FRMD3: variants seen among roughly 807,000 people sequenced by gnomAD.
FRMD3 encodes the protein FERM domain containing 3, also known as FERM domain-containing protein 3.
Under a neutral mutation model 70.2 loss-of-function variants are expected in FRMD3, and 33 were observed. The ratio of observed to expected loss-of-function variants is 0.47; its 90% CI spans 0.36 to 0.63. The LOEUF (loss-of-function observed/expected upper bound fraction) is 0.63. FRMD3 is among the 20% of genes least tolerant of loss of function. FRMD3 has a pLI of 0.00. For missense variants in FRMD3, 632 were observed against 711.4 expected (o/e 0.89, Z 1.27); for synonymous variants, 279 against 255.9 (o/e 1.09, Z -0.86).
chr9:83,272,048 A>G (rs573741749), intron 13 of FRMD3, among the ~76,000 whole-genome samples: 1 of 152,174 alleles, frequency 6.6e-6, no homozygotes, highest in African/African-American at 2.4e-5. Context: ...TTGTTAAGTC[A>G]CTGCTCCTGC....
At chr9:83,254,578 A>G (rs1184099779) in intron 13 of FRMD3, among the ~76,000 whole-genome samples, 1 of 152,060 alleles carries the variant, frequency 6.6e-6, no homozygotes, top group Non-Finnish European at 1.5e-5. Flanking sequence ...AAAAATTCAA[A>G]AAGTCAATGA....
chr9:83,518,206 T>C (rs913947164), intron 1 of FRMD3, among the ~76,000 whole-genome samples: 4 of 152,184 alleles, frequency 2.6e-5, no homozygotes, highest in African/African-American at 4.8e-5. Flanking sequence ...ATTATCTCTG[T>C]TTGCAGATGA....
At chr9:83,467,779 T>C in intron 1 of FRMD3, 1 of 1,414,088 alleles carries the variant, frequency 7.1e-7, no homozygotes. Flanking sequence ...TACTGCATTG[T>C]TTACCTATAG....
At chr9:83,576,850 A>T in the FRMD3 span, among the ~76,000 whole-genome samples, 1 of 152,232 alleles carries the variant, frequency 6.6e-6, no homozygotes, top group Admixed American at 6.5e-5. Context: ...AGAAAATCCT[A>T]ATGAATCCAC....
At chr9:83,421,270 C>G (rs1826635121) in intron 1 of FRMD3, among the ~76,000 whole-genome samples, 1 of 152,122 alleles carries the variant, frequency 6.6e-6, no homozygotes, top group Non-Finnish European at 1.5e-5. Context: ...ATTACCCAGC[C>G]TCAGGTATTC....
rs1471359736 is a variant in FRMD3 at position 83,245,348 on chromosome 9, A to AAACTT, written c.*2565_*2569dup. The AAACTT allele has an allele frequency of 3.0e-6, 3 of 985,422 alleles. No homozygotes were observed. In the African/African-American group the frequency reaches 5.2e-5, roughly 17 times the overall value. The allele number at this position is 985,422 out of a possible 1,614,324, so 61.0% of individuals were successfully genotyped here. ...GGCAACTGGTGACTATCTTCTAACA[A>AAACTT]AACTTAAATGGATGTTTCTAAAAGG... On this transcript the variant is annotated 3_prime_UTR_variant, in exon 14 of 14. Transcript: ENST00000304195.
intron 4 of FRMD3, among the ~76,000 whole-genome samples, chr9:83,347,257 C>A (rs1246878568): frequency 6.6e-5 from 10 of 152,218 alleles, no homozygotes; most frequent in African/African-American, 2.2e-4. Context: ...TCAACATAAT[C>A]CACTGAGTCT....
At chr9:83,337,134 A>G (rs1198596849) in intron 5 of FRMD3, among the ~76,000 whole-genome samples, 4 of 152,246 alleles carry the variant, frequency 2.6e-5, no homozygotes, top group Admixed American at 6.5e-5. Context: ...TTTTGTGACT[A>G]TTCACAGCCC....
intron 1 of FRMD3, among the ~76,000 whole-genome samples, chr9:83,417,002 T>A (rs1012553321): frequency 4.6e-5 from 7 of 152,144 alleles, no homozygotes; most frequent in African/African-American, 1.4e-4. Flanking sequence ...CTTTCTCCTT[T>A]CACCCAGGCC....
At chr9:83,297,852 C>T in intron 12 of FRMD3, 1 of 471,282 alleles carries the variant, frequency 2.1e-6, no homozygotes, top group South Asian at 1.5e-5. Context: ...ACTTCTGCTC[C>T]CCGGTGTGGG....
chr9:83,572,782 C>T, the FRMD3 span, among the ~76,000 whole-genome samples: 3 of 152,042 alleles, frequency 2.0e-5, no homozygotes, highest in Non-Finnish European at 2.9e-5. Context: ...CAGGGAAAGG[C>T]AATGAAGCAA....
At chr9:83,518,122 T>C (rs542275601) in intron 1 of FRMD3, among the ~76,000 whole-genome samples, 15 of 152,288 alleles carry the variant, frequency 9.8e-5, no homozygotes, top group African/African-American at 3.6e-4. Flanking sequence ...TTTGACAGTA[T>C]TGGAAGTTCT....
chr9:83,429,755 T>C (rs780370666), intron 1 of FRMD3, among the ~76,000 whole-genome samples: 1 of 152,202 alleles, frequency 6.6e-6, no homozygotes, highest in Non-Finnish European at 1.5e-5. Context: ...GGATTCCATT[T>C]TGCCCCTTAT....
At chr9:83,464,854 A>G (rs1323488826) in intron 1 of FRMD3, among the ~76,000 whole-genome samples, 4 of 152,068 alleles carry the variant, frequency 2.6e-5, no homozygotes, top group African/African-American at 9.7e-5. Flanking sequence ...CCCGATCTCT[A>G]CTAAAAAATA....
rs746667996 is a variant in FRMD3 at position 83,538,155 on chromosome 9, T to G, written c.77A>C (p.Lys26Thr). The G allele has an allele frequency of 1.9e-6, 3 of 1,613,366 alleles. No individual in the cohort carries two copies. Among genetic ancestry groups the G allele is most frequent in the Admixed American group, 3.3e-5 (2 of 59,970 alleles). The change falls in exon 1 of 14, where the codon AAA (lysine) becomes ACA (threonine). Residue 26 changes from lysine (K) to threonine (T), a missense_variant. By Grantham distance (78) the Lys-to-Thr change is moderately conservative. Around this residue, in one of 3 missense-constraint regions of FRMD3, gnomAD observed 208 missense variants for 247.7 expected, o/e 0.84. Transcript: ENST00000304195. This position sits in a 1 kb window ranked among gnomAD's most constrained non-coding sequence, Gnocchi z 4.7. ...KMIHFRSSSVKSLSQEMRCTI... is the reference protein window; with the variant it reads ...KMIHFRSSSVTSLSQEMRCTI... Reference sequence around the variant, plus strand: ...GCATCTCATCTCCTGGCTGAGCGATTTGACGCTGGAGCTCCGAAAGTGGAT... The same window carrying G: ...GCATCTCATCTCCTGGCTGAGCGATGTGACGCTGGAGCTCCGAAAGTGGAT...
At chr9:83,393,940 G>T (rs369006366) in intron 1 of FRMD3, among the ~76,000 whole-genome samples, 38 of 80,688 alleles carry the variant, frequency 4.7e-4, no homozygotes, top group African/African-American at 7.2e-4. Flanking sequence ...GTTTTTTTTT[G>T]TTGTTGTTGT....
intron 6 of FRMD3, 127 bp downstream of exon 6, chr9:83,335,389 C>T: frequency 1.0e-6 from 1 of 969,992 alleles, no homozygotes; most frequent in Non-Finnish European, 1.5e-6. Context: ...AAAAATTGCG[C>T]TGCCACGCAA....
chr9:83,273,077 C>T (rs1188743137), intron 13 of FRMD3, among the ~76,000 whole-genome samples: 26 of 151,944 alleles, frequency 1.7e-4, no homozygotes, highest in Non-Finnish European at 8.8e-5. Context: ...GCCCGGCCAC[C>T]CCTTCTGGGA....
At chr9:83,303,180 A>C (rs1834991235) in intron 10 of FRMD3, among the ~76,000 whole-genome samples, 1 of 152,216 alleles carries the variant, frequency 6.6e-6, no homozygotes, top group Non-Finnish European at 1.5e-5. Context: ...GAGTAACCAT[A>C]ACAATAACAG....
Sources: gnomAD v4.1 joint callset for allele counts (sites outside exome capture counted in the v4.1 genomes callset) on GRCh38, gnomAD v4.1.1 for gene constraint, gnomAD v4.1.1 regional missense constraint, Gnocchi (gnomAD v3.1) non-coding constraint, MANE v1.5 for transcripts, NCBI Gene and HGNC (gene_info 2026-07-23, HGNC 2026-07-21) for gene names.